WDR47: variants seen among roughly 807,000 people sequenced by gnomAD.
WDR47 encodes the protein WD repeat-containing protein 47.
Under a neutral mutation model 97.2 loss-of-function variants are expected in WDR47, and 32 were observed. That is an observed-to-expected ratio of 0.33 (90% CI 0.25 to 0.44). WDR47 has a LOEUF of 0.44. WDR47 is among the 20% of genes least tolerant of loss of function. The pLI, the probability that WDR47 is intolerant of heterozygous loss-of-function variation, is 1.00. For synonymous variants in WDR47, 375 were observed against 373.5 expected (o/e 1.00, Z -0.05); for missense variants, 782 against 1,102.3 (o/e 0.71, Z 4.11).
chr1:108,999,503 A>G (rs1660015811), intron 7 of WDR47, among the ~76,000 whole-genome samples: 1 of 151,924 alleles, frequency 6.6e-6, no homozygotes, highest in Admixed American at 6.6e-5. Context: ...CAGGAGTTCA[A>G]GATCAGTCTA....
chr1:109,013,943 A>C lies in WDR47; in HGVS notation c.243-18T>G, dbSNP rs751831316. 5 of 1,583,142 alleles carry C rather than the reference A, an allele frequency of 3.2e-6. No homozygotes were observed. The South Asian group carries it at 5.7e-5, about 18-fold the overall frequency. On this transcript the variant is annotated intron_variant, in intron 3 of 14. Transcript: ENST00000369962. ...AACGAAACCTGTGGGAAAAAAATGA[A>C]GCATTAATTTTTCCAATGTCTGATG...
rs181903152 is a variant in WDR47 at position 109,025,687 on chromosome 1, T to C, written c.-9-2166A>G. Among the ~76,000 whole-genome samples the C allele has an allele frequency of 5.3e-5, 8 of 151,848 alleles. No homozygotes were observed. The East Asian group carries it at 1.6e-3, about 30-fold the overall frequency. ...AGGCGGAGGTTGCAGTGAGCCAAGA[T>C]TGTGCCACTGCACTCCAGCCTGGGC... On this transcript the variant is annotated intron_variant, in intron 1 of 14. Coordinates refer to ENST00000369962, the MANE Select transcript of WDR47 (RefSeq NM_001142551.2).
intron 12 of WDR47, 80 bp downstream of exon 12, chr1:108,982,529 T>C: frequency 6.7e-7 from 1 of 1,495,540 alleles, no homozygotes; most frequent in South Asian, 1.4e-5. Context: ...CCCTGTCTCT[T>C]AGAAAAGAAA....
chr1:109,038,141 G>A (rs1454254653), intron 1 of WDR47, among the ~76,000 whole-genome samples: 1 of 152,084 alleles, frequency 6.6e-6, no homozygotes, highest in Non-Finnish European at 1.5e-5. Flanking sequence ...GCCCAGCCCA[G>A]TACTATTTCT....
intron 12 of WDR47, 58 bp downstream of exon 12, chr1:108,982,550 GA>G (rs1228252017): frequency 9.2e-6 from 14 of 1,523,720 alleles, no homozygotes; most frequent in Admixed American, 4.5e-5. Context: ...ATGCAGAGAG[GA>G]AAAAAAAGCA....
rs961012776 is a variant in WDR47, at chr1:109,006,935, GA to G, written c.1131-2221del. On this transcript the variant is annotated intron_variant, in intron 5 of 14. Transcript: ENST00000369962. ...ATGGTGTTAGCACATAGTAATCACTGAAAAAAAAAATTTTTTTTTTGAGATA... is the reference window on the plus strand; with the variant it reads ...ATGGTGTTAGCACATAGTAATCACTGAAAAAAAAATTTTTTTTTTGAGATA... Among the ~76,000 whole-genome samples the G allele has an allele frequency of 1.0e-4, 15 of 150,226 alleles. No individual in the cohort carries two copies. The South Asian group carries it at 2.1e-3, about 21-fold the overall frequency.
At chr1:108,974,959 A>C (rs1657769261) in intron 13 of WDR47, among the ~76,000 whole-genome samples, 1 of 152,210 alleles carries the variant, frequency 6.6e-6, no homozygotes, top group African/African-American at 2.4e-5. Context: ...TTTTGTAAGA[A>C]ATGAGAAAGT....
chr1:109,005,566 G>A lies in WDR47; in HGVS notation c.1131-851C>T, dbSNP rs541192095. 9.2e-5 allele frequency among the ~76,000 whole-genome samples: 14 copies of A among 152,162 alleles called. 1 individual carries two copies. The South Asian group carries it at 2.3e-3, about 25-fold the overall frequency. Reference sequence around the variant, plus strand: ...TATTAGGCAGGGAGAGTGAGAGCAGGGACTACAGTTTAAAATCAGTTGGGT... The same window carrying A: ...TATTAGGCAGGGAGAGTGAGAGCAGAGACTACAGTTTAAAATCAGTTGGGT... On this transcript the variant is annotated intron_variant, in intron 5 of 14. Transcript: ENST00000369962.
chr1:108,979,061 T>C (rs575745578), intron 13 of WDR47, among the ~76,000 whole-genome samples: 2 of 152,184 alleles, frequency 1.3e-5, no homozygotes, highest in African/African-American at 2.4e-5. Context: ...ATGTGCATGA[T>C]AGAGAAGCAG....
chr1:108,986,643 A>G lies in WDR47; in HGVS notation c.1805T>C (p.Ile602Thr), dbSNP rs1312273477. The change falls in exon 10 of 15, where the codon ATC becomes ACC. Residue 602 changes from isoleucine to threonine, a missense_variant. This residue lies in a region of WDR47 where 228 missense variants were observed against 396.7 expected (regional missense o/e 0.57). Coordinates refer to ENST00000369962, the MANE Select transcript of WDR47 (RefSeq NM_001142551.2). The part of the protein sequence containing the change: ...KSKKQFVCIN[I>T]LEDTQAVRAV... ...TCTAACAGCTTGTGTGTCTTCTAGG[A>G]TATTAATACAAACAAACTGCTTTTT... 3.1e-6 allele frequency: 5 copies of G among 1,612,700 alleles called. No individual in the cohort carries two copies. Among genetic ancestry groups the G allele is most frequent in the Non-Finnish European group, 4.2e-6 (5 of 1,179,236 alleles).
At chr1:109,007,154 T>C (rs987470900) in intron 5 of WDR47, among the ~76,000 whole-genome samples, 3 of 149,250 alleles carry the variant, frequency 2.0e-5, no homozygotes, top group Non-Finnish European at 4.4e-5. Flanking sequence ...ATGTCCAGGA[T>C]AGTCCTGAAC....
Position 109,011,225 on chromosome 1 carries a change from T to G in WDR47, c.821A>C (p.Lys274Thr), listed in dbSNP as rs1226042650. Residue 274 changes from lysine (K) to threonine (T), a missense_variant, in exon 5 of 15, where the codon AAA becomes ACA. Physicochemically the swap from Lys to Thr is moderately conservative, Grantham distance 78. Coordinates refer to ENST00000369962, the MANE Select transcript of WDR47 (RefSeq NM_001142551.2). ...MLNIHVDKLL[K>T]PTKAAYADLL... ...ATCAGCATATGCAGCTTTTGTAGGT[T>G]TCAGAAGTTTGTCAACATGAATATT... 5.6e-6 allele frequency: 9 copies of G among 1,613,972 alleles called. No individual in the cohort carries two copies. The South Asian group carries it at 9.9e-5, about 18-fold the overall frequency.
chr1:108,981,648 T>C, intron 13 of WDR47, 85 bp downstream of exon 13: 1 of 1,339,698 alleles, frequency 7.5e-7, no homozygotes, highest in South Asian at 1.6e-5. Flanking sequence ...ATTTTTTCTA[T>C]TTTTTATATT....
rs1482120546 is a variant in WDR47 at position 108,975,666 on chromosome 1, C to CA, written c.2399-913dup. On this transcript the variant is annotated intron_variant, in intron 13 of 14. Transcript: ENST00000369962. ...TTTGAGACAGAGTGAGACCCTGTCT[C>CA]AAAAAAATAAATTAAAAAAAAAAAA... is the stretch of plus-strand genomic sequence containing the variant. 7.6e-5 allele frequency among the ~76,000 whole-genome samples: 11 copies of CA among 144,822 alleles called. No individual in the cohort carries two copies. The South Asian group carries it at 1.5e-3, about 20-fold the overall frequency.
At chr1:108,984,228 A>C (rs930128987) in intron 10 of WDR47, among the ~76,000 whole-genome samples, 1 of 152,196 alleles carries the variant, frequency 6.6e-6, no homozygotes, top group Non-Finnish European at 1.5e-5. Flanking sequence ...CTTTAATGAC[A>C]GTCAAACATT....
chr1:109,005,272 G>A (rs915032807), intron 5 of WDR47, among the ~76,000 whole-genome samples: 5 of 152,036 alleles, frequency 3.3e-5, no homozygotes, highest in African/African-American at 1.2e-4. Flanking sequence ...AAATTATTTG[G>A]GTGTGGTGGG....
chr1:108,999,461 T>C (rs1000756520), intron 7 of WDR47, among the ~76,000 whole-genome samples: 5 of 151,994 alleles, frequency 3.3e-5, no homozygotes, highest in African/African-American at 4.8e-5. Flanking sequence ...CCCAGCACTT[T>C]AGGAGGTCGA....
rs1261294318 is a variant in WDR47, at chr1:109,031,635, TAA to T, written c.-9-8116_-9-8115del. On this transcript the variant is annotated intron_variant, in intron 1 of 14. Transcript: ENST00000369962. Reference sequence around the variant, plus strand: ...TACCTATTCAAAAAATTAAAAATAATAAAACATAAATAACAAATTTACATTTG... The same window carrying T: ...TACCTATTCAAAAAATTAAAAATAATAACATAAATAACAAATTTACATTTG... 1.3e-4 allele frequency among the ~76,000 whole-genome samples: 18 copies of T among 139,016 alleles called. 4 individuals carry two copies. The highest frequency in any genetic ancestry group is 7.0e-4 in the Admixed American group (9 of 12,900). The allele number at this position is 139,016 out of a possible 152,430, so 91.2% of individuals were successfully genotyped here.
chr1:109,011,174 A>T lies in WDR47; in HGVS notation c.872T>A (p.Leu291His). The change falls in exon 5 of 15, where the codon CTC becomes CAC. Residue 291 changes from leucine to histidine, a missense_variant. Leu to His is a moderately conservative substitution (Grantham distance 99). Around this residue, in one of 3 missense-constraint regions of WDR47, gnomAD observed 428 missense variants for 584.3 expected, o/e 0.73. Transcript: ENST00000369962. ...ADLLTPLISKLSPYPSSPMRR... is the reference protein window; with the variant it reads ...ADLLTPLISKHSPYPSSPMRR... ...CATTGGGGATGATGGATAGGGAGAGAGTTTGCTGATAAGAGGAGTCAAAAG... is the reference window on the plus strand; with the variant it reads ...CATTGGGGATGATGGATAGGGAGAGTGTTTGCTGATAAGAGGAGTCAAAAG... 6.2e-7 allele frequency: 1 copy of T among 1,614,138 alleles called. No homozygotes were observed. Among genetic ancestry groups the T allele is most frequent in the Non-Finnish European group, 8.5e-7 (1 of 1,180,044 alleles).
Sources: allele counts gnomAD v4.1 joint callset (sites outside exome capture counted in the v4.1 genomes callset), GRCh38; gene constraint gnomAD v4.1.1; regional missense constraint gnomAD v4.1.1; transcripts MANE v1.5; gene names NCBI Gene and HGNC (gene_info 2026-07-23, HGNC 2026-07-21).